PPP1R8: variants seen among roughly 807,000 people sequenced by gnomAD.
PPP1R8 encodes the protein nuclear inhibitor of protein phosphatase 1.
In PPP1R8, 4 loss-of-function variants were observed where a neutral mutation model predicts 31.3. The ratio of observed to expected loss-of-function variants is 0.13; its 90% CI spans 0.06 to 0.29. The LOEUF (loss-of-function observed/expected upper bound fraction) is 0.29. PPP1R8 is among the 10% of genes least tolerant of loss of function. The probability of loss-of-function intolerance (pLI) is 1.00; values close to 1 mark genes in which losing one functional copy is unlikely to be tolerated. For synonymous variants in PPP1R8, 170 were observed against 169.7 expected (o/e 1.00, Z -0.01); for missense variants, 254 against 440.1 (o/e 0.58, Z 3.78).
At chr1:27,845,384 C>A (rs1285858036) in intron 5 of PPP1R8, among the ~76,000 whole-genome samples, 1 of 147,776 alleles carries the variant, frequency 6.8e-6, no homozygotes, top group Non-Finnish European at 1.5e-5. Context: ...AGCAAGACTC[C>A]GTTTCAAAAA....
At position 27,845,455 on chromosome 1, in the gene PPP1R8, G is replaced by A. The variant is rs192159637; in HGVS notation, c.638-1573G>A. On this transcript the variant is annotated intron_variant, in intron 5 of 6. Coordinates refer to ENST00000311772, the MANE Select transcript of PPP1R8 (RefSeq NM_014110.5). ...TTTCTTAGGGAAATGTGTTCAGGCA[G>A]TATAGCATAGTGGTTAAGAGCACAG... Among the ~76,000 whole-genome samples, 283 of 152,004 alleles carry A rather than the reference G, an allele frequency of 1.9e-3. 1 individual carries two copies. The highest frequency in any genetic ancestry group is 3.2e-3 in the Non-Finnish European group (215 of 67,980).
intron 1 of PPP1R8, among the ~76,000 whole-genome samples, chr1:27,832,008 C>T (rs1233616037): frequency 6.6e-6 from 1 of 152,154 alleles, no homozygotes; most frequent in Non-Finnish European, 1.5e-5. Flanking sequence ...CCATTTTGAT[C>T]CCTCGCTGTA....
intron 2 of PPP1R8, among the ~76,000 whole-genome samples, chr1:27,836,679 A>G (rs1467301415): frequency 1.3e-5 from 2 of 152,046 alleles, no homozygotes; most frequent in South Asian, 2.1e-4. Context: ...CGGCCTCCCA[A>G]AGTGCTGGGA....
intron 3 of PPP1R8, among the ~76,000 whole-genome samples, 165 bp downstream of exon 3, chr1:27,839,017 A>G (rs2089197148): frequency 6.6e-6 from 1 of 152,210 alleles, no homozygotes; most frequent in Non-Finnish European, 1.5e-5. Context: ...GATAATTGCT[A>G]ACTGACTGTG....
intron 5 of PPP1R8, 47 bp downstream of exon 5, chr1:27,843,377 C>T (rs762297557): frequency 1.9e-6 from 3 of 1,612,672 alleles, no homozygotes; most frequent in Admixed American, 1.7e-5. Context: ...TGTGGTTGGC[C>T]CGGGCGCGGT....
chr1:27,849,424 T>C (rs1316569638), intron 6 of PPP1R8, among the ~76,000 whole-genome samples: 2 of 152,124 alleles, frequency 1.3e-5, no homozygotes, highest in East Asian at 3.8e-4. Context: ...ACCACATTTT[T>C]TCCCCCTCAA....
chr1:27,844,352 G>A (rs186909628), intron 5 of PPP1R8, among the ~76,000 whole-genome samples: 180 of 149,308 alleles, frequency 1.2e-3, no homozygotes, highest in African/African-American at 4.2e-3. Context: ...TTTTTGAGAC[G>A]GAGTCTCGTT....
chr1:27,831,376 C>T, intron 1 of PPP1R8: 1 of 986,182 alleles, frequency 1.0e-6, no homozygotes, highest in Non-Finnish European at 1.2e-6. Flanking sequence ...GGTAGGTTAG[C>T]GCCATCCCTG....
rs1002766670 is a variant in PPP1R8, at chr1:27,831,255, C to T, written c.56+364C>T. The stretch of plus-strand genomic sequence containing the variant: ...GCATCTGGCCCCTTCCTGTACGTCC[C>T]GAGCGCGCTCGAGCCAGCCCCGGCC... On this transcript the variant is annotated intron_variant, in intron 1 of 6. Coordinates refer to ENST00000311772, the MANE Select transcript of PPP1R8 (RefSeq NM_014110.5). The T allele has an allele frequency of 3.0e-6, 3 of 1,014,590 alleles. No homozygotes were observed. The African/African-American group carries it at 5.2e-5, about 18-fold the overall frequency. The allele number at this position is 1,014,590 out of a possible 1,614,324, so 62.8% of individuals were successfully genotyped here. A position where few individuals can be genotyped will look rare whatever the true frequency, so the allele number is the denominator to read the frequency against.
intron 5 of PPP1R8, among the ~76,000 whole-genome samples, chr1:27,846,022 C>T (rs2089276971): frequency 6.6e-6 from 1 of 151,958 alleles, no homozygotes; most frequent in South Asian, 2.1e-4. Flanking sequence ...GACCTCCTGA[C>T]CTCATGATCT....
chr1:27,831,418 T>C (rs1006533892), intron 1 of PPP1R8: 1 of 924,026 alleles, frequency 1.1e-6, no homozygotes, highest in Non-Finnish European at 1.3e-6. Context: ...GTGGCACTAG[T>C]AGGCATTAGT....
At chr1:27,832,313 G>T (rs1022409378) in intron 1 of PPP1R8, among the ~76,000 whole-genome samples, 4 of 152,146 alleles carry the variant, frequency 2.6e-5, no homozygotes, top group Admixed American at 2.0e-4. Flanking sequence ...CAGAGCTCAG[G>T]ACAGTACTCT....
At chr1:27,844,034 A>G (rs1307231360) in intron 5 of PPP1R8, among the ~76,000 whole-genome samples, 1 of 152,152 alleles carries the variant, frequency 6.6e-6, no homozygotes, top group Non-Finnish European at 1.5e-5. Flanking sequence ...ACACGATCTC[A>G]TTCTGTCGCC....
intron 1 of PPP1R8, among the ~76,000 whole-genome samples, chr1:27,831,671 T>C (rs1353980154): frequency 6.6e-6 from 1 of 152,212 alleles, no homozygotes; most frequent in Non-Finnish European, 1.5e-5. Context: ...TCCCAGCTCC[T>C]AGGCCTGAGT....
In PPP1R8 at chr1:27,851,433, G is replaced by A. The variant is rs952734321; in HGVS notation, c.*987G>A. The A allele has an allele frequency of 3.1e-5, 13 of 418,080 alleles. No homozygotes were observed. The highest frequency in any genetic ancestry group is 5.4e-5 in the Non-Finnish European group (11 of 205,424). The allele number at this position is 418,080 out of a possible 1,614,324, so 25.9% of individuals were successfully genotyped here. On this transcript the variant is annotated 3_prime_UTR_variant, in exon 7 of 7. Coordinates refer to ENST00000311772, the MANE Select transcript of PPP1R8 (RefSeq NM_014110.5). ...AACATTGATACAAGCTTTGTACAGA[G>A]ATTTGTACATTTGTGTAATAGGCCT...
chr1:27,830,846 C>T lies in PPP1R8; in HGVS notation c.11C>T (p.Ala4Val), dbSNP rs867512144. The change falls in exon 1 of 7, where the codon GCC becomes GTC. Residue 4 changes from alanine to valine, a missense_variant. This residue lies in a region of PPP1R8 where 38 missense variants were observed against 18.6 expected (regional missense o/e 2.04). Coordinates refer to ENST00000311772, the MANE Select transcript of PPP1R8 (RefSeq NM_014110.5). MAA[A>V]ANSGSSLPLF... Reference sequence around the variant, plus strand: ...AGGGGGAGACGCAAGATGGCGGCAGCCGCGAACTCCGGCTCTAGCCTCCCG... The same window carrying T: ...AGGGGGAGACGCAAGATGGCGGCAGTCGCGAACTCCGGCTCTAGCCTCCCG... 7.6e-6 allele frequency: 12 copies of T among 1,576,058 alleles called. No homozygotes were observed. The highest frequency in any genetic ancestry group is 2.3e-5 in the East Asian group (1 of 42,622).
chr1:27,847,680 G>T (rs564557704), intron 6 of PPP1R8, among the ~76,000 whole-genome samples: 2 of 152,168 alleles, frequency 1.3e-5, no homozygotes, highest in African/African-American at 4.8e-5. Context: ...GCAGTGAGCT[G>T]AGATGGTGCC....
intron 2 of PPP1R8, among the ~76,000 whole-genome samples, chr1:27,836,472 G>C (rs894688352): frequency 3.3e-5 from 5 of 152,084 alleles, no homozygotes; most frequent in Non-Finnish European, 5.9e-5. Flanking sequence ...CTGGAGTGCA[G>C]TGGCCGATCT....
chr1:27,841,337 G>T lies in PPP1R8; in HGVS notation c.492+103G>T, dbSNP rs916319547. ...AAATGCCAGTGACTTAGCAGCAGGG[G>T]GTTCTCTTGAGTCCAGTAATGGGCC... On this transcript the variant is annotated intron_variant, in intron 4 of 6. Transcript: ENST00000311772. 236 of 1,262,846 alleles carry T rather than the reference G, an allele frequency of 1.9e-4. 1 individual carries two copies. The highest frequency in any genetic ancestry group is 6.0e-5 in the African/African-American group (4 of 66,818). 78.2% of individuals were successfully genotyped at this position (1,262,846 alleles called of 1,614,324 possible). A position where few individuals can be genotyped will look rare whatever the true frequency, so the allele number is the denominator to read the frequency against.
Sources: allele counts gnomAD v4.1 joint callset (sites outside exome capture counted in the v4.1 genomes callset), GRCh38; gene constraint gnomAD v4.1.1; regional missense constraint gnomAD v4.1.1; transcripts MANE v1.5; gene names NCBI Gene and HGNC (gene_info 2026-07-23, HGNC 2026-07-21).